PLG: variants seen among roughly 807,000 people sequenced by gnomAD.
PLG encodes the protein plasmin.
Under a neutral mutation model 104.4 loss-of-function variants are expected in PLG, and 41 were observed. The observed-to-expected ratio is 0.39, with a 90% CI of 0.31 to 0.51. The LOEUF is 0.51. Among genes scored for constraint, PLG ranks in the 20% least tolerant of loss-of-function variants. The probability of loss-of-function intolerance (pLI) is 0.76; values close to 1 mark genes in which losing one functional copy is unlikely to be tolerated. For missense variants in PLG, 891 were observed against 1,003.6 expected, an observed-to-expected ratio of 0.89 and a Z score of 1.52; for synonymous variants, 337 against 357.1, an observed-to-expected ratio of 0.94 and a Z score of 0.63.
Position 160,752,005 on chromosome 6 carries a change from T to C in PLG, c.2126-110T>C. The C allele has an allele frequency of 1.1e-6, 1 of 908,130 alleles. No homozygotes were observed. Among genetic ancestry groups the C allele is most frequent in the Non-Finnish European group, 1.8e-6 (1 of 549,074 alleles). 56.3% of individuals were successfully genotyped at this position (908,130 alleles called of 1,614,324 possible). On this transcript the variant is annotated intron_variant, in intron 17 of 18. Coordinates refer to ENST00000308192, the MANE Select transcript of PLG (RefSeq NM_000301.5). This position sits in a 1 kb window ranked among gnomAD's most constrained non-coding sequence, Gnocchi z 4.7. ...TCCAGCGGCATTGGGAGCTGCCTCG[T>C]GTTCTGCAGCCTCACAGACAGGAGG...
chr6:160,702,802 G>T (rs542658740), intron 1 of PLG, among the ~76,000 whole-genome samples: 5 of 152,266 alleles, frequency 3.3e-5, no homozygotes, highest in Admixed American at 3.3e-4. Context: ...TGGCGGCAGG[G>T]TCGGGGACTC....
intron 1 of PLG, among the ~76,000 whole-genome samples, chr6:160,704,995 C>G (rs1156908756): frequency 6.6e-6 from 1 of 152,200 alleles, no homozygotes; most frequent in Non-Finnish European, 1.5e-5. Context: ...CCCTGGAGGG[C>G]TCGCTGTCTT....
At position 160,718,346 on chromosome 6, in the gene PLG, T is replaced by A. The variant is rs772285632; in HGVS notation, c.840T>A (p.Gly280=). ...GPTYQCLKGT[G]ENYRGNVAVT... ...CCTACCAGTGTCTGAAGGGAACAGG[T>A]GAAAACTATCGCGGGAATGTGGCTG... Residue 280 remains glycine (G), a synonymous_variant, in exon 8 of 19, where the codon GGT becomes GGA. Coordinates refer to ENST00000308192, the MANE Select transcript of PLG (RefSeq NM_000301.5). 3.1e-6 allele frequency: 5 copies of A among 1,614,060 alleles called. No individual in the cohort carries two copies. The Admixed American group carries it at 8.3e-5, about 27-fold the overall frequency.
chr6:160,718,231 ACAGAGCGAGACTCCGTCT>A (rs1777773852), intron 7 of PLG, 45 bp from the exon 8 acceptor site: 1 of 1,441,740 alleles, frequency 6.9e-7, no homozygotes, highest in Non-Finnish European at 9.8e-7. Context: ...AGCCTGGGCG[ACAGAGCGAGACTCCGTCT>A]CAAAAAATAT....
At position 160,724,549 on chromosome 6, in the gene PLG, T is replaced by C. The variant is rs1281253805; in HGVS notation, c.1256+1982T>C. Among the ~76,000 whole-genome samples, 5 of 152,070 alleles carry C rather than the reference T, an allele frequency of 3.3e-5. No individual in the cohort carries two copies. Among genetic ancestry groups the C allele is most frequent in the African/African-American group, 7.2e-5 (3 of 41,436 alleles). ...GAGATATTGGGACAGAAAAAAATAC[T>C]TGAAGCAACAAGAAAAATCTTATTA... On this transcript the variant is annotated intron_variant, in intron 10 of 18. Transcript: ENST00000308192. This position sits in a 1 kb window ranked among gnomAD's most constrained non-coding sequence, Gnocchi z 5.0.
At chr6:160,721,495 T>C (rs935977760) in intron 9 of PLG, among the ~76,000 whole-genome samples, 1 of 152,254 alleles carries the variant, frequency 6.6e-6, no homozygotes, top group Non-Finnish European at 1.5e-5. Context: ...GATGTGCTGC[T>C]GCTATCTTTT....
In PLG at chr6:160,752,447, G is replaced by T. The variant is rs1313485571; in HGVS notation, c.2271+187G>T. Among the ~76,000 whole-genome samples, 1 of 152,112 alleles carries T rather than the reference G, an allele frequency of 6.6e-6. No homozygotes were observed. Among genetic ancestry groups the T allele is most frequent in the Non-Finnish European group, 1.5e-5 (1 of 67,990 alleles). ...TCAGATCATCTAAGGGGATGTCTTG[G>T]GGCTTGAGTTCCAAATCAGTAGCAA... On this transcript the variant is annotated intron_variant, in intron 18 of 18. Coordinates refer to ENST00000308192, the MANE Select transcript of PLG (RefSeq NM_000301.5). This position sits in a 1 kb window ranked among gnomAD's most constrained non-coding sequence, Gnocchi z 4.7.
At chr6:160,750,116 A>G (rs1420636865) in intron 17 of PLG, among the ~76,000 whole-genome samples, 1 of 152,212 alleles carries the variant, frequency 6.6e-6, no homozygotes, top group Non-Finnish European at 1.5e-5. Flanking sequence ...CTCAGAGGGA[A>G]GTTGAAATTC....
At chr6:160,742,806 C>G (rs946174225) in intron 17 of PLG, among the ~76,000 whole-genome samples, 1 of 152,096 alleles carries the variant, frequency 6.6e-6, no homozygotes, top group Non-Finnish European at 1.5e-5. Context: ...TTTAATCCAT[C>G]TTGAGTTGAT....
rs1778200908 is a variant in PLG at position 160,741,808 on chromosome 6, C to T, written c.2125+391C>T. 2.0e-5 allele frequency among the ~76,000 whole-genome samples: 3 copies of T among 152,264 alleles called. No individual in the cohort carries two copies. The highest frequency in any genetic ancestry group is 1.9e-4 in the East Asian group (1 of 5,186). On this transcript the variant is annotated intron_variant, in intron 17 of 18. Transcript: ENST00000308192. This position sits in a 1 kb window ranked among gnomAD's most constrained non-coding sequence, Gnocchi z 4.7. ...TTAGTATTTCCTGCTCCTCTCCCTC[C>T]TCCCACTCTTCTCCCTCAAGTAGGC...
At chr6:160,721,630 T>G (rs1435793107) in intron 9 of PLG, among the ~76,000 whole-genome samples, 1 of 152,214 alleles carries the variant, frequency 6.6e-6, no homozygotes, top group East Asian at 1.9e-4. Flanking sequence ...CTAACCCCAT[T>G]GACACTCGGC....
At chr6:160,706,042 T>C (rs1380643444) in intron 1 of PLG, 3 of 261,440 alleles carry the variant, frequency 1.1e-5, no homozygotes, top group African/African-American at 4.5e-5. Context: ...GAGTCAGGGG[T>C]ACATGTGCAG....
At position 160,749,769 on chromosome 6, in the gene PLG, GCCA is replaced by G. The variant is rs1778369208; in HGVS notation, c.2126-2340_2126-2338del. 2.8e-5 allele frequency among the ~76,000 whole-genome samples: 4 copies of G among 145,264 alleles called. No individual in the cohort carries two copies. In the South Asian group the frequency reaches 9.0e-4, roughly 33 times the overall value. On this transcript the variant is annotated intron_variant, in intron 17 of 18. Coordinates refer to ENST00000308192, the MANE Select transcript of PLG (RefSeq NM_000301.5). The stretch of plus-strand genomic sequence containing the variant: ...CACCAGTACCATCACCATCACCACC[GCCA>G]CCACCTCCATGATCATTACTACCCA...
At chr6:160,728,449 C>T (rs185125318) in intron 10 of PLG, among the ~76,000 whole-genome samples, 11 of 9,902 alleles carry the variant, frequency 1.1e-3, no homozygotes, top group Admixed American at 4.2e-3. Flanking sequence ...GCTAGAATCA[C>T]AAGGACAATA....
chr6:160,745,876 C>A (rs1157243313), intron 17 of PLG, among the ~76,000 whole-genome samples: 4 of 152,188 alleles, frequency 2.6e-5, no homozygotes, highest in Non-Finnish European at 5.9e-5. Flanking sequence ...GATCTTATTT[C>A]TCTGTTGCTT....
In PLG at chr6:160,737,112, C is replaced by T; in HGVS notation, c.1802+105C>T. On this transcript the variant is annotated intron_variant, in intron 14 of 18. Coordinates refer to ENST00000308192, the MANE Select transcript of PLG (RefSeq NM_000301.5). The surrounding 1 kb of genome is among the most constrained non-coding windows in gnomAD (Gnocchi z 4.7). ...ACACAGCTGAGGCATCAGCACCTGC[C>T]TCTAAGTTTTCTGAAGGAGGAAAAA... is the stretch of plus-strand genomic sequence containing the variant. The T allele has an allele frequency of 6.2e-6, 9 of 1,445,928 alleles. No homozygotes were observed. Among genetic ancestry groups the T allele is most frequent in the East Asian group, 2.4e-5 (1 of 42,172 alleles). 89.6% of individuals were successfully genotyped at this position (1,445,928 alleles called of 1,614,324 possible). A position where few individuals can be genotyped will look rare whatever the true frequency, so the allele number is the denominator to read the frequency against.
intron 17 of PLG, among the ~76,000 whole-genome samples, chr6:160,749,795 C>T (rs1014648534): frequency 6.6e-6 from 1 of 151,624 alleles, no homozygotes; most frequent in Non-Finnish European, 1.5e-5. Flanking sequence ...TCATTACTAC[C>T]CACCACCATC....
At chr6:160,730,981 T>C in intron 10 of PLG, 70 bp from the exon 11 acceptor site, 1 of 1,468,830 alleles carries the variant, frequency 6.8e-7, no homozygotes, top group Non-Finnish European at 9.5e-7. Flanking sequence ...TAGAACAAAA[T>C]GTAGAGGGTG....
Position 160,741,962 on chromosome 6 carries a change from T to C in PLG, c.2125+545T>C, listed in dbSNP as rs948753475. Among the ~76,000 whole-genome samples, 24 of 152,320 alleles carry C rather than the reference T, an allele frequency of 1.6e-4. No homozygotes were observed. Among genetic ancestry groups the C allele is most frequent in the African/African-American group, 5.3e-4 (22 of 41,570 alleles). ...TTTTCTAAGAATAACGGCCTCCAGCTCCATTCATGTTCCTGTAAAAGATAT... is the reference window on the plus strand; with the variant it reads ...TTTTCTAAGAATAACGGCCTCCAGCCCCATTCATGTTCCTGTAAAAGATAT... On this transcript the variant is annotated intron_variant, in intron 17 of 18. Transcript: ENST00000308192. The surrounding 1 kb of genome is among the most constrained non-coding windows in gnomAD (Gnocchi z 4.7).
Sources: gnomAD v4.1 joint callset for allele counts (sites outside exome capture counted in the v4.1 genomes callset) on GRCh38, gnomAD v4.1.1 for gene constraint, Gnocchi (gnomAD v3.1) non-coding constraint, MANE v1.5 for transcripts, NCBI Gene and HGNC (gene_info 2026-07-23, HGNC 2026-07-21) for gene names.